The following C5orf34 variants were observed in gnomAD, a reference collection of about 807,000 sequenced individuals.
C5orf34 encodes uncharacterized protein C5orf34.
In C5orf34, 73 loss-of-function variants were observed where a neutral mutation model predicts 78.4. The ratio of observed to expected loss-of-function variants is 0.93; its 90% CI spans 0.77 to 1.13. The LOEUF (loss-of-function observed/expected upper bound fraction) is 1.13. Among genes scored for constraint, C5orf34 ranks in the 50% most tolerant of loss-of-function variants. C5orf34 has a pLI of 0.00. For synonymous variants in C5orf34, 251 were observed against 246.6 expected, an observed-to-expected ratio of 1.02 and a Z score of -0.17; for missense variants, 730 against 732.7, an observed-to-expected ratio of 1.00 and a Z score of 0.04.
At chr5:43,495,342 C>T in intron 6 of C5orf34, 4 of 1,611,826 alleles carry the variant, frequency 2.5e-6, no homozygotes, top group Non-Finnish European at 2.5e-6. Flanking sequence ...TTCAGCTCAG[C>T]AAACTTGCAT....
chr5:43,505,539 TAG>T, intron 4 of C5orf34: 1 of 520,572 alleles, frequency 1.9e-6, no homozygotes, highest in Non-Finnish European at 3.4e-6. Context: ...GTATCTAGTG[TAG>T]AGTCAGCCTT....
In C5orf34 at chr5:43,505,891, A is replaced by G. The variant is rs7710628; in HGVS notation, c.789T>C (p.Asn263=). Residue 263 remains asparagine, a synonymous_variant, in exon 4 of 13, where the codon AAT becomes AAC. Coordinates refer to ENST00000306862, the MANE Select transcript of C5orf34 (RefSeq NM_198566.4). ...YPLSLALHFH[N]KISNMSKIDA... is the part of the protein sequence containing the mutation. The stretch of plus-strand genomic sequence containing the variant: ...CAATTTTAGACATATTGCTGATTTT[A>G]TTATGAAAATGAAGTGCTAAAGACA... 757,158 of 1,613,192 alleles carry G rather than the reference A, an allele frequency of 0.47. 183,577 individuals are homozygous for G. Among genetic ancestry groups the G allele is most frequent in the African/African-American group, 0.59 (44,551 of 74,928 alleles).
At chr5:43,509,105 T>TA in intron 2 of C5orf34, 40 bp downstream of exon 2, 1 of 1,562,560 alleles carries the variant, frequency 6.4e-7, no homozygotes, top group Non-Finnish European at 8.7e-7. Context: ...AACCTGTCTC[T>TA]AAAAAACAAA....
At chr5:43,501,149 G>A (rs990126585) in intron 6 of C5orf34, among the ~76,000 whole-genome samples, 1 of 152,150 alleles carries the variant, frequency 6.6e-6, no homozygotes, top group Admixed American at 6.5e-5. Context: ...GAAGCTCCAG[G>A]AAGACACACT....
In C5orf34 at chr5:43,503,783, T is replaced by C. The variant is rs1440949963; in HGVS notation, c.933-23A>G. 3 of 1,475,736 alleles carry C rather than the reference T, an allele frequency of 2.0e-6. No individual in the cohort carries two copies. The South Asian group carries it at 3.4e-5, about 17-fold the overall frequency. The allele number at this position is 1,475,736 out of a possible 1,614,324, so 91.4% of individuals were successfully genotyped here. ...CACCTGTGAAGGATAAAATACAAGC[T>C]ATTACTTCTGGTTGCTCAATATAAT... On this transcript the variant is annotated intron_variant, in intron 4 of 12. Transcript: ENST00000306862.
At position 43,502,358 on chromosome 5, in the gene C5orf34, C is replaced by A; in HGVS notation, c.1152+14G>T. 1 of 1,610,478 alleles carries A rather than the reference C, an allele frequency of 6.2e-7. No individual in the cohort carries two copies. Among genetic ancestry groups the A allele is most frequent in the South Asian group, 1.1e-5 (1 of 90,210 alleles). On this transcript the variant is annotated intron_variant, in intron 6 of 12. Transcript: ENST00000306862. ...AGCAAAACTCTTCTTGAGTTGAGTT[C>A]ATTGTTGGCTTACCTTTCCTGATCC... is the stretch of plus-strand genomic sequence containing the variant.
At position 43,492,004 on chromosome 5, in the gene C5orf34, C is replaced by CAAA. The variant is rs34983529; in HGVS notation, c.1580+208_1580+210dup. Among the ~76,000 whole-genome samples, 85 of 85,448 alleles carry CAAA rather than the reference C, an allele frequency of 9.9e-4. 1 individual carries two copies. The highest frequency in any genetic ancestry group is 2.7e-3 in the African/African-American group (63 of 23,402). 56.1% of individuals were successfully genotyped at this position (85,448 alleles called of 152,430 possible). A position where few individuals can be genotyped will look rare whatever the true frequency, so the allele number is the denominator to read the frequency against. On this transcript the variant is annotated intron_variant, in intron 10 of 12. Transcript: ENST00000306862. ...AGGCCACAGGAGCAAAACTCTGTCT[C>CAAA]AAAAAAAAAAAAAAAAAAAAAGCTG...
chr5:43,490,528 GAA>G, intron 11 of C5orf34, 101 bp downstream of exon 11: 1 of 706,528 alleles, frequency 1.4e-6, no homozygotes, highest in Non-Finnish European at 2.4e-6. Context: ...TCAAAACTAA[GAA>G]AGTTTTTTTG....
chr5:43,512,805 A>G (rs1746328932), intron 1 of C5orf34, among the ~76,000 whole-genome samples: 1 of 86,966 alleles, frequency 1.1e-5, no homozygotes, highest in Non-Finnish European at 2.0e-5. Flanking sequence ...TTTTTTTGAG[A>G]CAGAGTCTTG....
intron 7 of C5orf34, 99 bp from the exon 8 acceptor site, chr5:43,493,711 A>G (rs1745381476): frequency 1.5e-6 from 1 of 658,100 alleles, no homozygotes; most frequent in Non-Finnish European, 2.7e-6. Flanking sequence ...ATGATCAGTA[A>G]ATCATTTTCA....
In C5orf34 at chr5:43,494,497, G is replaced by A. The variant is rs776835412; in HGVS notation, c.1244+13C>T. 1.5e-5 allele frequency: 23 copies of A among 1,550,694 alleles called. 1 individual carries two copies. The South Asian group carries it at 2.6e-4, about 17-fold the overall frequency. ...CACATAACATTTGATTCAATTGAAT[G>A]GGAAGAACTTACCTTGTTGCCTGTT... On this transcript the variant is annotated intron_variant, in intron 7 of 12. Transcript: ENST00000306862.
intron 6 of C5orf34, chr5:43,496,136 A>T: frequency 9.9e-7 from 1 of 1,012,344 alleles, no homozygotes; most frequent in Non-Finnish European, 1.5e-6. Flanking sequence ...ACAGCCTGAG[A>T]TGTCCCTGTA....
intron 12 of C5orf34, among the ~76,000 whole-genome samples, chr5:43,487,408 G>C (rs1445179976): frequency 6.6e-6 from 1 of 152,034 alleles, no homozygotes; most frequent in Non-Finnish European, 1.5e-5. Context: ...AAATGACACG[G>C]GAATTAAAGA....
At chr5:43,512,760 C>CTTTTTTT (rs58813772) in intron 1 of C5orf34, among the ~76,000 whole-genome samples, 3 of 72,898 alleles carry the variant, frequency 4.1e-5, no homozygotes, top group African/African-American at 1.6e-4. Flanking sequence ...CCCACCTTGT[C>CTTTTTTT]TTTTTTTTTT....
chr5:43,494,191 C>A (rs752922354), intron 7 of C5orf34, among the ~76,000 whole-genome samples: 2 of 152,092 alleles, frequency 1.3e-5, no homozygotes, highest in Non-Finnish European at 2.9e-5. Flanking sequence ...AATGTAACAT[C>A]AAATCTCCAA....
chr5:43,505,877 A>G lies in C5orf34; in HGVS notation c.803T>C (p.Met268Thr), dbSNP rs1286930935. 2.5e-6 allele frequency: 4 copies of G among 1,613,838 alleles called. No individual in the cohort carries two copies. Among genetic ancestry groups the G allele is most frequent in the Admixed American group, 1.7e-5 (1 of 59,994 alleles). ...AGTTATATGTGCATCAATTTTAGACATATTGCTGATTTTATTATGAAAATG... is the reference window on the plus strand; with the variant it reads ...AGTTATATGTGCATCAATTTTAGACGTATTGCTGATTTTATTATGAAAATG... ...ALHFHNKISNMSKIDAHITQS... is the reference protein window; with the variant it reads ...ALHFHNKISNTSKIDAHITQS... The change falls in exon 4 of 13, where the codon ATG (methionine) becomes ACG (threonine). Residue 268 changes from methionine to threonine, a missense_variant. Coordinates refer to ENST00000306862, the MANE Select transcript of C5orf34 (RefSeq NM_198566.4).
chr5:43,506,097 C>T lies in C5orf34; in HGVS notation c.583G>A (p.Glu195Lys), dbSNP rs1745973777. The T allele has an allele frequency of 9.9e-6, 16 of 1,614,148 alleles. No homozygotes were observed. Among genetic ancestry groups the T allele is most frequent in the Non-Finnish European group, 1.4e-5 (16 of 1,180,016 alleles). The change falls in exon 4 of 13, where the codon GAA becomes AAA. Residue 195 changes from glutamate (E) to lysine (K), a missense_variant. Coordinates refer to ENST00000306862, the MANE Select transcript of C5orf34 (RefSeq NM_198566.4). ...NLPGQRLKNK[E>K]NEFHCQIMKS... ...ATGATCTGGCAATGAAACTCATTTT[C>T]TTTATTCTTCAGTCTCTGTCCTGGT... is the stretch of plus-strand genomic sequence containing the variant.
At position 43,509,159 on chromosome 5, in the gene C5orf34, T is replaced by C. The variant is rs760974697; in HGVS notation, c.181A>G (p.Ile61Val). Reference sequence around the variant, plus strand: ...TCTTTACTTACTCTGTAAGTGCTAATGACAAAATGTGTCCTTTGACGAATT... The same window carrying C: ...TCTTTACTTACTCTGTAAGTGCTAACGACAAAATGTGTCCTTTGACGAATT... ...ERIRQRTHFVISTYREQLQRA... is the reference protein window; with the variant it reads ...ERIRQRTHFVVSTYREQLQRA... Residue 61 changes from isoleucine to valine, a missense_variant, in exon 2 of 13, where the codon ATT (isoleucine) becomes GTT (valine). Coordinates refer to ENST00000306862, the MANE Select transcript of C5orf34 (RefSeq NM_198566.4). 9 of 1,612,798 alleles carry C rather than the reference T, an allele frequency of 5.6e-6. No homozygotes were observed. The Admixed American group carries it at 8.4e-5, about 15-fold the overall frequency.
At chr5:43,488,109 TGACTC>T (rs1360518151) in intron 11 of C5orf34, 160 bp from the exon 12 acceptor site, 6 of 604,302 alleles carry the variant, frequency 9.9e-6, no homozygotes, top group Non-Finnish European at 1.7e-5. Context: ...CAAATCAACT[TGACTC>T]AACTGATACT....
Sources: allele counts gnomAD v4.1 joint callset (sites outside exome capture counted in the v4.1 genomes callset), GRCh38; gene constraint gnomAD v4.1.1; transcripts MANE v1.5; gene names NCBI Gene and HGNC (gene_info 2026-07-23, HGNC 2026-07-21).